The following SRBD1 variants were observed in gnomAD, a reference collection of about 807,000 sequenced individuals.
SRBD1 encodes S1 RNA binding domain 1.
SRBD1 carries 88 observed loss-of-function variants against 115.3 expected under a neutral mutation model. The ratio of observed to expected loss-of-function variants is 0.76; its 90% CI spans 0.64 to 0.91. The LOEUF (loss-of-function observed/expected upper bound fraction) is 0.91, where lower values mean the gene tolerates loss of function less well. SRBD1 is among the 40% of genes least tolerant of loss of function. The probability of loss-of-function intolerance (pLI) is 0.00; values close to 1 mark genes in which losing one functional copy is unlikely to be tolerated. For missense variants in SRBD1, 1,385 were observed against 1,177.4 expected (o/e 1.18, Z -2.58); for synonymous variants, 509 against 407.7 (o/e 1.25, Z -2.99).
At chr2:45,609,140 T>C (rs1214043736) in intron 1 of SRBD1, among the ~76,000 whole-genome samples, 1 of 152,196 alleles carries the variant, frequency 6.6e-6, no homozygotes, top group Non-Finnish European at 1.5e-5. Context: ...TGACATATAA[T>C]TGACATGCAA....
chr2:45,601,796 G>C (rs1430916723), intron 3 of SRBD1, 107 bp downstream of exon 3: 2 of 1,417,632 alleles, frequency 1.4e-6, no homozygotes. Flanking sequence ...GCCATTGCTG[G>C]CAGTTTTTGT....
rs531399887 is a variant in SRBD1, at chr2:45,534,344, A to G, written c.1874+12388T>C. On this transcript the variant is annotated intron_variant, in intron 14 of 20. Coordinates refer to ENST00000263736, the MANE Select transcript of SRBD1 (RefSeq NM_018079.5). Reference sequence around the variant, plus strand: ...ATTTTTTAATTTACCTTATATCACAAACATCCTAGAAAGGAAACACTATAA... The same window carrying G: ...ATTTTTTAATTTACCTTATATCACAGACATCCTAGAAAGGAAACACTATAA... 1.1e-4 allele frequency among the ~76,000 whole-genome samples: 16 copies of G among 152,090 alleles called. No individual in the cohort carries two copies. The East Asian group carries it at 2.9e-3, about 28-fold the overall frequency.
intron 14 of SRBD1, among the ~76,000 whole-genome samples, chr2:45,518,593 G>A (rs970583204): frequency 6.6e-6 from 1 of 152,066 alleles, no homozygotes; most frequent in African/African-American, 2.4e-5. Context: ...AGGACAAGTC[G>A]GTAATAATCT....
intron 16 of SRBD1, among the ~76,000 whole-genome samples, chr2:45,429,817 AG>A (rs1668276526): frequency 6.6e-6 from 1 of 152,232 alleles, no homozygotes; most frequent in Admixed American, 6.5e-5. Context: ...AAAGAAATAA[AG>A]GGTATTCAAA....
rs3835989 is a variant in SRBD1, at chr2:45,460,677, TA to T, written c.2049+16315del. 2.4e-3 allele frequency among the ~76,000 whole-genome samples: 366 copies of T among 152,302 alleles called. 5 individuals carry two copies. The East Asian group carries it at 0.044, about 18-fold the overall frequency. Reference sequence around the variant, plus strand: ...AATAACTTCTTAAATCTCAACTTTATAAAAAGTAGCAAAACCATTATGAACA... The same window carrying T: ...AATAACTTCTTAAATCTCAACTTTATAAAAGTAGCAAAACCATTATGAACA... On this transcript the variant is annotated intron_variant, in intron 16 of 20. Transcript: ENST00000263736.
chr2:45,434,296 A>T (rs1441806041), intron 16 of SRBD1, among the ~76,000 whole-genome samples: 1 of 152,188 alleles, frequency 6.6e-6, no homozygotes, highest in African/African-American at 2.4e-5. Context: ...TCGGGTATCA[A>T]ATGAGTGCCC....
chr2:45,459,428 C>G (rs146429109), intron 16 of SRBD1, among the ~76,000 whole-genome samples: 176 of 152,220 alleles, frequency 1.2e-3, no homozygotes, highest in African/African-American at 4.0e-3. Flanking sequence ...CTGCTTCTGT[C>G]CTTCCTTTCA....
intron 15 of SRBD1, among the ~76,000 whole-genome samples, chr2:45,477,593 T>C (rs554829257): frequency 2.0e-5 from 3 of 152,304 alleles, no homozygotes; most frequent in South Asian, 2.1e-4. Flanking sequence ...TCTGTTACCC[T>C]GGATAGAGTG....
At chr2:45,508,788 G>A (rs913678482) in intron 14 of SRBD1, among the ~76,000 whole-genome samples, 1 of 152,042 alleles carries the variant, frequency 6.6e-6, no homozygotes, top group African/African-American at 2.4e-5. Flanking sequence ...TTTACCCAGT[G>A]AATTGCTAAA....
chr2:45,501,625 G>A (rs566758558), intron 14 of SRBD1, among the ~76,000 whole-genome samples: 6 of 152,260 alleles, frequency 3.9e-5, no homozygotes, highest in Admixed American at 3.9e-4. Context: ...TTAGCAAACG[G>A]CACACCAGGA....
At chr2:45,491,046 G>C (rs959020610) in intron 14 of SRBD1, among the ~76,000 whole-genome samples, 8 of 152,090 alleles carry the variant, frequency 5.3e-5, no homozygotes, top group Non-Finnish European at 2.9e-5. Context: ...AAGTATATGT[G>C]ACTAGAATTA....
At chr2:45,525,993 G>A (rs193234727) in intron 14 of SRBD1, among the ~76,000 whole-genome samples, 2 of 152,058 alleles carry the variant, frequency 1.3e-5, no homozygotes, top group East Asian at 1.9e-4. Context: ...AGATAAATCA[G>A]AACCCTCATA....
intron 19 of SRBD1, among the ~76,000 whole-genome samples, chr2:45,406,918 T>A (rs993992321): frequency 2.0e-5 from 3 of 152,156 alleles, no homozygotes; most frequent in African/African-American, 7.2e-5. Flanking sequence ...ACAAGCCCTG[T>A]TACTTTTCTG....
chr2:45,472,810 G>A (rs1431342425), intron 16 of SRBD1, among the ~76,000 whole-genome samples: 3 of 152,086 alleles, frequency 2.0e-5, no homozygotes, highest in Non-Finnish European at 2.9e-5. Context: ...ATACTTTCTT[G>A]GAAGACTGTT....
chr2:45,502,072 G>T (rs1670650091), intron 14 of SRBD1, among the ~76,000 whole-genome samples: 1 of 152,154 alleles, frequency 6.6e-6, no homozygotes, highest in Admixed American at 6.5e-5. Flanking sequence ...ACACGGCCGG[G>T]TACCCCTCCA....
chr2:45,500,244 G>T (rs1304595642), intron 14 of SRBD1, among the ~76,000 whole-genome samples: 1 of 150,104 alleles, frequency 6.7e-6, no homozygotes, highest in Non-Finnish European at 1.5e-5. Context: ...GTGTGTGTGT[G>T]TGTGTGTTTG....
At chr2:45,586,995 AT>A (rs1558496879) in intron 4 of SRBD1, among the ~76,000 whole-genome samples, 6 of 62,156 alleles carry the variant, frequency 9.7e-5, no homozygotes, top group African/African-American at 1.6e-4. Context: ...ATTATTTTAA[AT>A]ATTTAATTAT....
Position 45,607,470 on chromosome 2 carries a change from C to T in SRBD1, c.1-2029G>A, listed in dbSNP as rs1310932187. On this transcript the variant is annotated intron_variant, in intron 1 of 20. Transcript: ENST00000263736. ...AGAAATAAAGGTGATTCTTTTCACA[C>T]TATTGAGGGGAGATGGGGAAATGGA... 6.6e-5 allele frequency among the ~76,000 whole-genome samples: 10 copies of T among 152,224 alleles called. No homozygotes were observed. In the East Asian group the frequency reaches 1.9e-3, roughly 29 times the overall value.
At chr2:45,578,225 T>A (rs183124740) in intron 7 of SRBD1, among the ~76,000 whole-genome samples, 2 of 152,200 alleles carry the variant, frequency 1.3e-5, no homozygotes, top group Non-Finnish European at 2.9e-5. Flanking sequence ...AGTTTCAACA[T>A]TCCATTTTAA....
Sources: gnomAD v4.1 joint callset for allele counts (sites outside exome capture counted in the v4.1 genomes callset) on GRCh38, gnomAD v4.1.1 for gene constraint, MANE v1.5 for transcripts, NCBI Gene and HGNC (gene_info 2026-07-23, HGNC 2026-07-21) for gene names.